Variants in ARHGAP15 observed in about 807,000 individuals in gnomAD.
ARHGAP15 encodes Rho GTPase activating protein 15.
Under a neutral mutation model 63.7 loss-of-function variants are expected in ARHGAP15, and 51 were observed. The ratio of observed to expected loss-of-function variants is 0.80; its 90% CI spans 0.64 to 1.01. ARHGAP15 has a LOEUF of 1.01. Ranked by LOEUF, ARHGAP15 falls within the 50% of genes least tolerant of loss-of-function variation. The probability of loss-of-function intolerance (pLI) is 0.00; values close to 1 mark genes in which losing one functional copy is unlikely to be tolerated. For synonymous variants in ARHGAP15, 191 were observed against 193.8 expected (o/e 0.99, Z 0.12); for missense variants, 560 against 564.6 (o/e 0.99, Z 0.08).
At chr2:143,413,966 T>TGTGTGTGTGCGTGCGCGCGC in intron 6 of ARHGAP15, among the ~76,000 whole-genome samples, 2 of 117,908 alleles carry the variant, frequency 1.7e-5, no homozygotes, top group African/African-American at 7.1e-5. Flanking sequence ...TGTGTGTGTG[T>TGTGTGTGTGCGTGCGCGCGC]GCGCGCTCTC....
chr2:143,767,246 T>C lies in ARHGAP15; in HGVS notation c.1245-743T>C, dbSNP rs72861328. On this transcript the variant is annotated intron_variant, in intron 13 of 13. Transcript: ENST00000295095. ...CTAGGATGGGGCTTTATTTTCTTTT[T>C]AGGAGTCCTGTGTTGGAACAGGCAA... Among the ~76,000 whole-genome samples, 1,246 of 152,314 alleles carry C rather than the reference T, an allele frequency of 8.2e-3. 14 individuals carry two copies. Among genetic ancestry groups the C allele is most frequent in the Non-Finnish European group, 0.014 (921 of 68,016 alleles).
chr2:143,755,499 G>C (rs1686543903), intron 13 of ARHGAP15, among the ~76,000 whole-genome samples: 2 of 152,150 alleles, frequency 1.3e-5, no homozygotes, highest in African/African-American at 2.4e-5. Context: ...CAAGAGGAAA[G>C]TTTATTCTTT....
intron 12 of ARHGAP15, among the ~76,000 whole-genome samples, chr2:143,656,986 C>A (rs1379736090): frequency 8.8e-6 from 1 of 114,116 alleles, no homozygotes; most frequent in Non-Finnish European, 2.0e-5. Context: ...GGAGTGAGGA[C>A]ATGTTATCCA....
At chr2:143,655,260 C>T (rs1478324344) in intron 12 of ARHGAP15, among the ~76,000 whole-genome samples, 1 of 151,972 alleles carries the variant, frequency 6.6e-6, no homozygotes, top group South Asian at 2.1e-4. Context: ...TATCCCTCGA[C>T]CCCCTCCCAC....
rs535973952 is a variant in ARHGAP15 at position 143,254,212 on chromosome 2, C to T, written c.474+3612C>T. Among the ~76,000 whole-genome samples the T allele has an allele frequency of 2.0e-5, 3 of 152,060 alleles. No individual in the cohort carries two copies. In the South Asian group the frequency reaches 6.2e-4, roughly 32 times the overall value. On this transcript the variant is annotated intron_variant, in intron 6 of 13. Transcript: ENST00000295095. The stretch of plus-strand genomic sequence containing the variant: ...GATTACAACATAATCTTAAATAATC[C>T]TAAATGTCATTTACAGAGAGATAGT...
intron 3 of ARHGAP15, among the ~76,000 whole-genome samples, chr2:143,205,255 T>TAAAAAA (rs71301732): frequency 4.7e-5 from 4 of 85,404 alleles, no homozygotes; most frequent in East Asian, 3.4e-4. Flanking sequence ...CAGAGAGAGA[T>TAAAAAA]AAAAAAAAAA....
chr2:143,263,861 C>G (rs1173197651), intron 6 of ARHGAP15, among the ~76,000 whole-genome samples: 2 of 147,308 alleles, frequency 1.4e-5, no homozygotes, highest in Non-Finnish European at 3.0e-5. Flanking sequence ...TTCTCTTCAC[C>G]ACAGTCCTAT....
intron 6 of ARHGAP15, among the ~76,000 whole-genome samples, chr2:143,425,138 G>A (rs1384293542): frequency 1.3e-5 from 2 of 152,174 alleles, no homozygotes; most frequent in East Asian, 1.9e-4. Flanking sequence ...CAATACAAAT[G>A]TCATTTTGTT....
chr2:143,550,039 G>C (rs1311590838), intron 10 of ARHGAP15, among the ~76,000 whole-genome samples: 1 of 151,958 alleles, frequency 6.6e-6, no homozygotes, highest in Non-Finnish European at 1.5e-5. Flanking sequence ...GATAATAGAG[G>C]GAAAACAATA....
At chr2:143,720,379 A>G (rs1171055461) in intron 13 of ARHGAP15, among the ~76,000 whole-genome samples, 1 of 152,144 alleles carries the variant, frequency 6.6e-6, no homozygotes, top group Non-Finnish European at 1.5e-5. Context: ...CACAAAAAGC[A>G]CCACGGGAAC....
At chr2:143,400,726 A>C (rs1687955359) in intron 6 of ARHGAP15, among the ~76,000 whole-genome samples, 2 of 151,940 alleles carry the variant, frequency 1.3e-5, no homozygotes, top group Admixed American at 6.6e-5. Flanking sequence ...CGTCCTTCTT[A>C]TTTAAATTTT....
chr2:143,366,504 G>A (rs1167721607), intron 6 of ARHGAP15, among the ~76,000 whole-genome samples: 1 of 151,900 alleles, frequency 6.6e-6, no homozygotes, highest in Non-Finnish European at 1.5e-5. Flanking sequence ...ATTCCATGAG[G>A]AAAACAAATA....
chr2:143,368,074 T>C (rs1686373760), intron 6 of ARHGAP15, among the ~76,000 whole-genome samples: 4 of 152,046 alleles, frequency 2.6e-5, no homozygotes, highest in Admixed American at 2.0e-4. Context: ...ACATCATTAA[T>C]CTTCATACTT....
At chr2:143,365,736 G>T (rs1320030265) in intron 6 of ARHGAP15, among the ~76,000 whole-genome samples, 1 of 152,118 alleles carries the variant, frequency 6.6e-6, no homozygotes, top group Non-Finnish European at 1.5e-5. Context: ...ATTCTAAATC[G>T]ATTTATATGT....
chr2:143,740,762 T>C (rs1214519098), intron 13 of ARHGAP15, among the ~76,000 whole-genome samples: 1 of 152,084 alleles, frequency 6.6e-6, no homozygotes, highest in East Asian at 1.9e-4. Context: ...TAAAAGACAA[T>C]GAAATTCTCT....
intron 13 of ARHGAP15, among the ~76,000 whole-genome samples, chr2:143,752,697 T>A (rs1686426609): frequency 6.6e-6 from 1 of 152,022 alleles, no homozygotes; most frequent in Admixed American, 6.6e-5. Context: ...AGGAAGGAGG[T>A]GGGCAACAGG....
intron 8 of ARHGAP15, among the ~76,000 whole-genome samples, chr2:143,486,408 CA>C (rs35904219): frequency 0.49 from 65,366 of 133,372 alleles, 15,340 homozygotes; most frequent in Admixed American, 0.57. Context: ...CCATTTCTAC[CA>C]AAAAAAAAAA....
At chr2:143,746,000 C>T (rs1236894634) in intron 13 of ARHGAP15, among the ~76,000 whole-genome samples, 1 of 152,156 alleles carries the variant, frequency 6.6e-6, no homozygotes, top group Non-Finnish European at 1.5e-5. Context: ...AAAGCAGCTT[C>T]GTCAAATCAG....
At chr2:143,487,236 C>A in intron 8 of ARHGAP15, 137 bp from the exon 9 acceptor site, 1 of 986,980 alleles carries the variant, frequency 1.0e-6, no homozygotes, top group Non-Finnish European at 1.5e-6. Flanking sequence ...ACTCACATGG[C>A]TTGTTGTAGA....
Sources: gnomAD v4.1 joint callset for allele counts (sites outside exome capture counted in the v4.1 genomes callset) on GRCh38, gnomAD v4.1.1 for gene constraint, MANE v1.5 for transcripts, NCBI Gene and HGNC (gene_info 2026-07-23, HGNC 2026-07-21) for gene names.